Variants in SLC26A8 observed in about 807,000 individuals in gnomAD.
SLC26A8 encodes testis anion transporter 1.
A neutral mutation model predicts 105.0 loss-of-function variants in SLC26A8; 70 were observed. That is an observed-to-expected ratio of 0.67 (90% confidence interval 0.55 to 0.81). The LOEUF is 0.81. SLC26A8 is among the 40% of genes least tolerant of loss of function. The probability of loss-of-function intolerance (pLI) is 0.00; values close to 1 mark genes in which losing one functional copy is unlikely to be tolerated. For synonymous variants in SLC26A8, 415 were observed against 438.3 expected (o/e 0.95, Z 0.66); for missense variants, 998 against 1,181.8 (o/e 0.84, Z 2.28).
chr6:36,009,836 A>T (rs1199226813), intron 3 of SLC26A8, among the ~76,000 whole-genome samples: 1 of 152,182 alleles, frequency 6.6e-6, no homozygotes, highest in Non-Finnish European at 1.5e-5. Flanking sequence ...AGATATTACC[A>T]TTGGGGAAAC....
chr6:35,943,779 A>T lies in SLC26A8; in HGVS notation c.*121T>A. On this transcript the variant is annotated 3_prime_UTR_variant, in exon 20 of 20. Coordinates refer to ENST00000490799, the MANE Select transcript of SLC26A8 (RefSeq NM_052961.4). ...AGGAAGAAGGCTGGCAGGTAGTAGGAGTCACAGTCAGGAAGGAAGTACTGC... is the reference window on the plus strand; with the variant it reads ...AGGAAGAAGGCTGGCAGGTAGTAGGTGTCACAGTCAGGAAGGAAGTACTGC... 7.2e-7 allele frequency: 1 copy of T among 1,391,752 alleles called. No homozygotes were observed. Among genetic ancestry groups the T allele is most frequent in the South Asian group, 1.4e-5 (1 of 69,588 alleles). The allele number at this position is 1,391,752 out of a possible 1,614,324, so 86.2% of individuals were successfully genotyped here.
rs192911481 is a variant in SLC26A8 at position 35,991,754 on chromosome 6, C to T, written c.847G>A (p.Val283Ile). The part of the protein sequence containing the change: ...LPKANSTSIL[V>I]FLTVVVALRI... ...AGAGCAACAACAACAGTTAGAAATA[C>T]TAGAATGCTGGTGGAATTCGCTTTT... Residue 283 changes from valine to isoleucine, a missense_variant, in exon 7 of 20, where the codon GTA becomes ATA. Coordinates refer to ENST00000490799, the MANE Select transcript of SLC26A8 (RefSeq NM_052961.4). 6.2e-7 allele frequency: 1 copy of T among 1,605,596 alleles called. No individual in the cohort carries two copies. Among genetic ancestry groups the T allele is most frequent in the Admixed American group, 1.7e-5 (1 of 58,164 alleles).
intron 7 of SLC26A8, among the ~76,000 whole-genome samples, chr6:35,988,640 AAAAAGAAAAG>A (rs55827970): frequency 1.3e-5 from 2 of 151,836 alleles, no homozygotes; most frequent in African/African-American, 2.4e-5. Context: ...GCCTCAAAGA[AAAAAGAAAAG>A]AAAAGAAAAG....
chr6:35,996,578 G>A (rs936433846), intron 5 of SLC26A8, among the ~76,000 whole-genome samples: 4 of 151,984 alleles, frequency 2.6e-5, no homozygotes, highest in African/African-American at 9.7e-5. Flanking sequence ...ACAGGGTCTC[G>A]CTGTGCCACC....
chr6:35,978,120 A>G, intron 8 of SLC26A8, among the ~76,000 whole-genome samples: 1 of 150,482 alleles, frequency 6.6e-6, no homozygotes, highest in East Asian at 1.9e-4. Context: ...CTCTGACACC[A>G]AAACCAGACA....
intron 10 of SLC26A8, among the ~76,000 whole-genome samples, chr6:35,973,167 T>C (rs998364312): frequency 8.5e-5 from 13 of 152,264 alleles, no homozygotes; most frequent in Non-Finnish European, 1.6e-4. Context: ...TATGCTTATA[T>C]ACTGAATAAA....
At chr6:35,992,813 C>A in intron 5 of SLC26A8, 139 bp from the exon 6 acceptor site, 1 of 832,156 alleles carries the variant, frequency 1.2e-6, no homozygotes, top group Non-Finnish European at 1.8e-6. Flanking sequence ...ACTCTCTTTC[C>A]CTAATGAACA....
chr6:35,955,113 G>A, intron 17 of SLC26A8, 39 bp downstream of exon 17: 1 of 1,612,848 alleles, frequency 6.2e-7, no homozygotes, highest in Non-Finnish European at 8.5e-7. Flanking sequence ...ATGGTAGGAG[G>A]GGGATCAGAG....
intron 9 of SLC26A8, among the ~76,000 whole-genome samples, chr6:35,976,434 A>G (rs911624857): frequency 3.3e-5 from 5 of 152,048 alleles, no homozygotes; most frequent in African/African-American, 1.2e-4. Flanking sequence ...CAAAAAAAAA[A>G]AAAGGTCAAA....
In SLC26A8 at chr6:35,999,980, T is replaced by C. The variant is rs1358764837; in HGVS notation, c.445+12A>G. ...TTCATCCACCGCATGTGTATTTCAG[T>C]GCTGAACTCACCAATGGACATTTGA... On this transcript the variant is annotated intron_variant, in intron 4 of 19. Coordinates refer to ENST00000490799, the MANE Select transcript of SLC26A8 (RefSeq NM_052961.4). 2 of 1,557,422 alleles carry C rather than the reference T, an allele frequency of 1.3e-6. No homozygotes were observed.
At chr6:35,967,480 T>C (rs1033962040) in intron 11 of SLC26A8, among the ~76,000 whole-genome samples, 6 of 152,198 alleles carry the variant, frequency 3.9e-5, no homozygotes, top group Non-Finnish European at 7.3e-5. Context: ...TTATAGCTAA[T>C]AATTAACACA....
intron 6 of SLC26A8, among the ~76,000 whole-genome samples, 199 bp downstream of exon 6, chr6:35,992,311 T>C (rs1332024983): frequency 6.6e-6 from 1 of 152,168 alleles, no homozygotes; most frequent in African/African-American, 2.4e-5. Context: ...ACTGAAAGCA[T>C]GGTCTAACTG....
chr6:35,952,871 G>A (rs1365282283), intron 17 of SLC26A8, among the ~76,000 whole-genome samples: 1 of 151,912 alleles, frequency 6.6e-6, no homozygotes, highest in Non-Finnish European at 1.5e-5. Flanking sequence ...AAAATTATGC[G>A]GGTGTGGTGG....
At chr6:35,990,467 A>G (rs1022533907) in intron 7 of SLC26A8, 2 of 155,114 alleles carry the variant, frequency 1.3e-5, no homozygotes, top group African/African-American at 4.8e-5. Context: ...TTTGCCTGTT[A>G]TCATTTAACA....
intron 8 of SLC26A8, among the ~76,000 whole-genome samples, chr6:35,979,429 T>C (rs1249697881): frequency 6.6e-6 from 1 of 151,988 alleles, no homozygotes; most frequent in Admixed American, 6.5e-5. Flanking sequence ...TGAGCCAAGA[T>C]CGTGCCACTG....
chr6:36,000,148 T>C, intron 3 of SLC26A8, 40 bp from the exon 4 acceptor site: 1 of 1,316,586 alleles, frequency 7.6e-7, no homozygotes, highest in Non-Finnish European at 1.1e-6. Flanking sequence ...AGCTTGTCTT[T>C]AAAAGTCACC....
At chr6:35,951,773 T>C (rs1239481260) in intron 17 of SLC26A8, among the ~76,000 whole-genome samples, 3 of 152,186 alleles carry the variant, frequency 2.0e-5, no homozygotes, top group African/African-American at 7.2e-5. Context: ...AGACAGGGTT[T>C]CACCATATTG....
rs1402291129 is a variant in SLC26A8, at chr6:35,968,605, G to GAATATATATA, written c.1365+271_1365+272insTATATATATT. On this transcript the variant is annotated intron_variant, in intron 11 of 19. Transcript: ENST00000490799. ...TATGTGTGTATGTGTGTGTGTGTGT[G>GAATATATATA]TGTGTATATATATATATATATATAT... Among the ~76,000 whole-genome samples the GAATATATATA allele has an allele frequency of 1.3e-3, 70 of 53,844 alleles. 6 individuals carry two copies. Among genetic ancestry groups the GAATATATATA allele is most frequent in the East Asian group, 2.6e-3 (6 of 2,314 alleles). 35.3% of individuals were successfully genotyped at this position (53,844 alleles called of 152,430 possible). A position where few individuals can be genotyped will look rare whatever the true frequency, so the allele number is the denominator to read the frequency against.
At chr6:35,950,739 T>G (rs1170095414) in intron 19 of SLC26A8, among the ~76,000 whole-genome samples, 1 of 152,198 alleles carries the variant, frequency 6.6e-6, no homozygotes, top group African/African-American at 2.4e-5. Flanking sequence ...TGCTAGTTCA[T>G]TAGTATTATT....
Sources: allele counts gnomAD v4.1 joint callset (sites outside exome capture counted in the v4.1 genomes callset), GRCh38; gene constraint gnomAD v4.1.1; transcripts MANE v1.5; gene names NCBI Gene and HGNC (gene_info 2026-07-23, HGNC 2026-07-21).